Variants in FRMD6 observed in about 807,000 individuals in gnomAD.
The protein encoded by FRMD6 is FERM domain containing 6, also known as FERM domain-containing protein 6.
FRMD6 carries 37 observed loss-of-function variants against 73.2 expected under a neutral mutation model. The observed-to-expected ratio is 0.51, with a 90% CI of 0.39 to 0.66. FRMD6 has a LOEUF of 0.66. Ranked by LOEUF, FRMD6 falls within the 30% of genes least tolerant of loss-of-function variation. FRMD6 has a pLI of 0.00. For missense variants in FRMD6, 714 were observed against 780.5 expected, an observed-to-expected ratio of 0.91 and a Z score of 1.02; for synonymous variants, 273 against 282.2, an observed-to-expected ratio of 0.97 and a Z score of 0.33.
chr14:51,697,882 A>G (rs979602607), intron 2 of FRMD6: 2 of 286,128 alleles, frequency 7.0e-6, no homozygotes, highest in African/African-American at 2.2e-5. Flanking sequence ...ATCATGCACC[A>G]TGGTTTCAGA....
the FRMD6 span, among the ~76,000 whole-genome samples, chr14:51,451,496 C>G: frequency 1.3e-5 from 2 of 152,190 alleles, no homozygotes. Context: ...GCCTCAACCT[C>G]GCAAGCAGCT....
At chr14:51,612,885 G>A (rs554306999) in intron 2 of FRMD6, among the ~76,000 whole-genome samples, 1 of 152,290 alleles carries the variant, frequency 6.6e-6, no homozygotes, top group Admixed American at 6.5e-5. Context: ...GCCATAATGG[G>A]AATAGATAAA....
intron 1 of FRMD6, among the ~76,000 whole-genome samples, chr14:51,679,969 G>A (rs979429810): frequency 6.6e-6 from 1 of 152,154 alleles, no homozygotes; most frequent in Non-Finnish European, 1.5e-5. Flanking sequence ...AAGAAGAAGG[G>A]GGAAGGGTTG....
chr14:51,633,115 C>T (rs1891400505), intron 2 of FRMD6, among the ~76,000 whole-genome samples: 2 of 151,472 alleles, frequency 1.3e-5, no homozygotes, highest in African/African-American at 4.9e-5. Flanking sequence ...AATAACTGTT[C>T]AATCTAATGG....
chr14:51,439,119 A>G, the FRMD6 span, among the ~76,000 whole-genome samples: 2 of 152,270 alleles, frequency 1.3e-5, no homozygotes, highest in East Asian at 1.9e-4. Flanking sequence ...AGGAGAATTA[A>G]TGGACAATCT....
intron 2 of FRMD6, chr14:51,579,002 C>A (rs1274511696): frequency 6.6e-6 from 1 of 152,156 alleles, no homozygotes; most frequent in African/African-American, 2.4e-5. Flanking sequence ...AGCAAACATA[C>A]AGGCTGGCAC....
chr14:51,559,176 T>C (rs553066054), intron 1 of FRMD6, among the ~76,000 whole-genome samples: 14 of 152,376 alleles, frequency 9.2e-5, no homozygotes, highest in African/African-American at 3.1e-4. Context: ...ATTTGGTACC[T>C]ATTCTCTGAT....
the FRMD6 span, among the ~76,000 whole-genome samples, chr14:51,443,464 T>C: frequency 6.6e-6 from 1 of 152,194 alleles, no homozygotes; most frequent in African/African-American, 2.4e-5. Context: ...TATGGCAAGG[T>C]TTATGGCTGC....
At chr14:51,681,102 T>TACTA (rs1260748250) in intron 1 of FRMD6, among the ~76,000 whole-genome samples, 1 of 152,210 alleles carries the variant, frequency 6.6e-6, no homozygotes. Flanking sequence ...TATAGCTGAG[T>TACTA]ACTACCCACA....
the FRMD6 span, among the ~76,000 whole-genome samples, chr14:51,416,191 C>G: frequency 3.3e-5 from 5 of 152,224 alleles, no homozygotes; most frequent in African/African-American, 1.2e-4. Flanking sequence ...TTGCCTTCTG[C>G]TAGCTTTTGA....
intron 1 of FRMD6, among the ~76,000 whole-genome samples, chr14:51,530,234 T>C (rs764168821): frequency 1.1e-4 from 16 of 152,190 alleles, no homozygotes; most frequent in Non-Finnish European, 2.4e-4. Flanking sequence ...ACATACTACA[T>C]AGTGATGGGT....
At chr14:51,464,939 G>T in the FRMD6 span, among the ~76,000 whole-genome samples, 106 of 152,212 alleles carry the variant, frequency 7.0e-4, no homozygotes, top group South Asian at 1.7e-3. Context: ...TTAAAAACTG[G>T]ATCTCTGCTA....
At chr14:51,703,523 A>G (rs146837952) in intron 5 of FRMD6, among the ~76,000 whole-genome samples, 174 of 152,118 alleles carry the variant, frequency 1.1e-3, no homozygotes, top group African/African-American at 4.0e-3. Flanking sequence ...TAGTTTACAT[A>G]CAATTTTTAC....
chr14:51,543,891 G>A (rs981102752), intron 1 of FRMD6, among the ~76,000 whole-genome samples: 7 of 151,884 alleles, frequency 4.6e-5, no homozygotes, highest in African/African-American at 1.4e-4. Context: ...AGTAAGAATG[G>A]GTACTTTGGA....
At chr14:51,702,691 A>G in intron 5 of FRMD6, 103 bp downstream of exon 5, 1 of 949,244 alleles carries the variant, frequency 1.1e-6, no homozygotes. Flanking sequence ...CTTCACCTTT[A>G]GGATATAAAC....
chr14:51,488,414 T>C (rs1229206001), upstream of FRMD6, among the ~76,000 whole-genome samples: 2 of 152,190 alleles, frequency 1.3e-5, no homozygotes, highest in African/African-American at 4.8e-5. Context: ...CCCAATCCTT[T>C]CATTTTGCTT....
At chr14:51,467,584 G>A in the FRMD6 span, among the ~76,000 whole-genome samples, 8 of 151,416 alleles carry the variant, frequency 5.3e-5, no homozygotes, top group Non-Finnish European at 1.2e-4. Flanking sequence ...GGCGGCTGCC[G>A]GGCGGAGGGG....
intron 1 of FRMD6, among the ~76,000 whole-genome samples, chr14:51,518,194 A>G (rs1246786291): frequency 1.3e-5 from 2 of 152,254 alleles, no homozygotes; most frequent in African/African-American, 2.4e-5. Flanking sequence ...CTTGAGATTT[A>G]TTTAATATGA....
intron 2 of FRMD6, among the ~76,000 whole-genome samples, chr14:51,571,424 C>T (rs1241982541): frequency 6.6e-6 from 1 of 152,172 alleles, no homozygotes; most frequent in African/African-American, 2.4e-5. Flanking sequence ...TTAGGGTATG[C>T]TGGAGTTCTC....
Sources: gnomAD v4.1 joint callset for allele counts (sites outside exome capture counted in the v4.1 genomes callset) on GRCh38, gnomAD v4.1.1 for gene constraint, MANE v1.5 for transcripts, NCBI Gene and HGNC (gene_info 2026-07-23, HGNC 2026-07-21) for gene names.